Variants in PDE5A observed in about 807,000 individuals in gnomAD.
The protein encoded by PDE5A is cGMP-specific 3',5'-cyclic phosphodiesterase.
A neutral mutation model predicts 110.2 loss-of-function variants in PDE5A; 67 were observed. The ratio of observed to expected loss-of-function variants is 0.61; its 90% confidence interval spans 0.50 to 0.75. PDE5A has a LOEUF of 0.75. PDE5A is among the 30% of genes least tolerant of loss of function. The probability of loss-of-function intolerance (pLI) is 0.00; values close to 1 mark genes in which losing one functional copy is unlikely to be tolerated. For missense variants in PDE5A, 862 were observed against 1,045.1 expected (o/e 0.82, Z 2.42); for synonymous variants, 328 against 351.2 (o/e 0.93, Z 0.74).
chr4:119,589,513 C>A (rs1323917641), intron 3 of PDE5A, among the ~76,000 whole-genome samples: 2 of 152,098 alleles, frequency 1.3e-5, no homozygotes, highest in Admixed American at 6.6e-5. Flanking sequence ...ATAATTAATA[C>A]AAATGACAAA....
intron 7 of PDE5A, among the ~76,000 whole-genome samples, chr4:119,558,340 G>T (rs1727614901): frequency 6.6e-6 from 1 of 152,160 alleles, no homozygotes; most frequent in Admixed American, 6.5e-5. Context: ...TAGTGGATTG[G>T]TTGGAAAAAT....
At position 119,520,947 on chromosome 4, in the gene PDE5A, T is replaced by C. The variant is rs891593960; in HGVS notation, c.1893A>G (p.Ala631=). The change falls in exon 13 of 21, where the codon GCA becomes GCG. Residue 631 remains alanine (A), a synonymous_variant. Coordinates refer to ENST00000354960, the MANE Select transcript of PDE5A (RefSeq NM_001083.4). ...CTCTAAAAAGTACCTGAATTTTGCCTGCTTTTAGAGCAGCAAACATGCACT... is the reference window on the plus strand; with the variant it reads ...CTCTAAAAAGTACCTGAATTTTGCCCGCTTTTAGAGCAGCAAACATGCACT... ...TAQCMFAALK[A]GKIQNKLTDL... is the part of the protein sequence containing the mutation. 1 of 1,608,822 alleles carries C rather than the reference T, an allele frequency of 6.2e-7. No individual in the cohort carries two copies. The highest frequency in any genetic ancestry group is 1.7e-4 in the Middle Eastern group (1 of 6,036).
At chr4:119,523,268 A>G (rs1726194892) in intron 12 of PDE5A, among the ~76,000 whole-genome samples, 1 of 152,060 alleles carries the variant, frequency 6.6e-6, no homozygotes, top group Non-Finnish European at 1.5e-5. Flanking sequence ...GATTGGCTTG[A>G]GCAGAATGAA....
chr4:119,609,192 T>G (rs958276255), intron 1 of PDE5A, among the ~76,000 whole-genome samples: 1 of 151,978 alleles, frequency 6.6e-6, no homozygotes, highest in African/African-American at 2.4e-5. Flanking sequence ...ATAGGCAATA[T>G]CTAACAAATT....
chr4:119,615,021 G>GCTACAACACTACATGGATCTGATGCTA (rs1464491760), intron 1 of PDE5A, among the ~76,000 whole-genome samples: 2 of 152,148 alleles, frequency 1.3e-5, no homozygotes, highest in Non-Finnish European at 2.9e-5. Context: ...TCTAGTTCCA[G>GCTACAACACTACATGGATCTGATGCTA]CTACAACACT....
intron 5 of PDE5A, among the ~76,000 whole-genome samples, chr4:119,563,289 G>T (rs542626215): frequency 6.6e-6 from 1 of 152,136 alleles, no homozygotes; most frequent in Non-Finnish European, 1.5e-5. Flanking sequence ...GGGCTGTTAG[G>T]AGGATTAAGA....
intron 3 of PDE5A, among the ~76,000 whole-genome samples, chr4:119,581,191 G>T (rs1293243119): frequency 6.7e-6 from 1 of 148,698 alleles, no homozygotes; most frequent in African/African-American, 2.5e-5. Context: ...AAACATAAAA[G>T]AAGTAACACA....
At chr4:119,564,242 C>T (rs368418247) in intron 5 of PDE5A, among the ~76,000 whole-genome samples, 6 of 152,094 alleles carry the variant, frequency 3.9e-5, no homozygotes, top group African/African-American at 1.4e-4. Context: ...GAAGACAAAG[C>T]ACTACTTCTA....
intron 4 of PDE5A, 122 bp downstream of exon 4, chr4:119,566,951 T>C (rs1727956310): frequency 1.4e-6 from 1 of 723,744 alleles, no homozygotes; most frequent in Non-Finnish European, 2.5e-6. Flanking sequence ...TTTCAGATCA[T>C]TTTTAACTCT....
At chr4:119,616,451 G>C (rs1411512275) in intron 1 of PDE5A, among the ~76,000 whole-genome samples, 1 of 152,078 alleles carries the variant, frequency 6.6e-6, no homozygotes, top group African/African-American at 2.4e-5. Context: ...TTATTATCCA[G>C]ATATTCTACT....
chr4:119,538,993 T>C lies in PDE5A; in HGVS notation c.1599A>G (p.Ala533=). The C allele has an allele frequency of 6.2e-7, 1 of 1,612,960 alleles. No homozygotes were observed. The highest frequency in any genetic ancestry group is 8.5e-7 in the Non-Finnish European group (1 of 1,179,118). Reference sequence around the variant, plus strand: ...ACTGTAGCTCTCTTGTTTCTTCCTCTGCTGCTGAAGCATGATACGACAGAA... The same window carrying C: ...ACTGTAGCTCTCTTGTTTCTTCCTCCGCTGCTGAAGCATGATACGACAGAA... ...LEVLSYHASA[A]EEETRELQSL... Residue 533 remains alanine (A), a synonymous_variant, in exon 11 of 21, where the codon GCA becomes GCG. Transcript: ENST00000354960.
chr4:119,522,364 G>A (rs1414357415), intron 12 of PDE5A, among the ~76,000 whole-genome samples: 4 of 151,960 alleles, frequency 2.6e-5, no homozygotes, highest in Admixed American at 2.6e-4. Context: ...GGAAGGTGAT[G>A]GATGAATCTT....
intron 2 of PDE5A, 48 bp from the exon 3 acceptor site, chr4:119,596,660 T>C (rs770383538): frequency 2.8e-6 from 3 of 1,054,186 alleles, no homozygotes; most frequent in Non-Finnish European, 2.8e-6. Context: ...TGTTCAAAGA[T>C]TGATTTGATT....
At chr4:119,589,325 G>C (rs1728879560) in intron 3 of PDE5A, among the ~76,000 whole-genome samples, 1 of 151,782 alleles carries the variant, frequency 6.6e-6, no homozygotes, top group Non-Finnish European at 1.5e-5. Flanking sequence ...TTTAGGGTTG[G>C]TTATATCAGT....
At chr4:119,501,300 T>C in intron 19 of PDE5A, 47 bp from the exon 20 acceptor site, 1 of 1,114,024 alleles carries the variant, frequency 9.0e-7, no homozygotes, top group Non-Finnish European at 1.4e-6. Context: ...CATTTATTTA[T>C]TTAGTTAGTT....
rs1487610513 is a variant in PDE5A, at chr4:119,554,164, T to A, written c.1200-418A>T. ...CAATAAAACAGTATCTTACACATTT[T>A]AAGACCAAGGGAAAAATCAAACAGC... On this transcript the variant is annotated intron_variant, in intron 7 of 20. Coordinates refer to ENST00000354960, the MANE Select transcript of PDE5A (RefSeq NM_001083.4). 2.0e-5 allele frequency among the ~76,000 whole-genome samples: 3 copies of A among 152,116 alleles called. No individual in the cohort carries two copies. The South Asian group carries it at 6.2e-4, about 31-fold the overall frequency.
At chr4:119,597,597 G>A (rs1729196350) in intron 2 of PDE5A, among the ~76,000 whole-genome samples, 1 of 152,106 alleles carries the variant, frequency 6.6e-6, no homozygotes, top group South Asian at 2.1e-4. Flanking sequence ...GCCTTGGGGA[G>A]TTACATGCTT....
chr4:119,509,383 T>C (rs955468843), intron 15 of PDE5A, among the ~76,000 whole-genome samples: 4 of 152,032 alleles, frequency 2.6e-5, no homozygotes, highest in African/African-American at 9.7e-5. Flanking sequence ...GTTGAGACAG[T>C]AACTCTGCTA....
In PDE5A at chr4:119,591,002, G is replaced by A. The variant is rs780998203; in HGVS notation, c.831+5521C>T. Among the ~76,000 whole-genome samples the A allele has an allele frequency of 2.7e-4, 41 of 152,160 alleles. 1 individual carries two copies. Among genetic ancestry groups the A allele is most frequent in the Non-Finnish European group, 3.7e-4 (25 of 68,020 alleles). ...GGTATTGGCTTACTCGATAAGGGTG[G>A]ACTTAGAAAAAGAGAAAACACCAAA... is the stretch of plus-strand genomic sequence containing the variant. On this transcript the variant is annotated intron_variant, in intron 3 of 20. Coordinates refer to ENST00000354960, the MANE Select transcript of PDE5A (RefSeq NM_001083.4).
Sources: gnomAD v4.1 joint callset for allele counts (sites outside exome capture counted in the v4.1 genomes callset) on GRCh38, gnomAD v4.1.1 for gene constraint, MANE v1.5 for transcripts, NCBI Gene and HGNC (gene_info 2026-07-23, HGNC 2026-07-21) for gene names.